DLGAP1: variants seen among roughly 807,000 people sequenced by gnomAD.
The protein encoded by DLGAP1 is DLG associated protein 1.
A neutral mutation model predicts 90.8 loss-of-function variants in DLGAP1; 11 were observed. That is an observed-to-expected ratio of 0.12 (90% CI 0.08 to 0.20). The LOEUF is 0.20. Ranked by LOEUF, DLGAP1 falls within the 10% of genes least tolerant of loss-of-function variation. The pLI is 1.00. For synonymous variants in DLGAP1, 558 were observed against 540.7 expected (o/e 1.03, Z -0.44); for missense variants, 1,050 against 1,333.8 (o/e 0.79, Z 3.31).
intron 1 of DLGAP1, among the ~76,000 whole-genome samples, chr18:4,341,161 C>T (rs543528828): frequency 6.6e-6 from 1 of 151,782 alleles, no homozygotes; most frequent in East Asian, 1.9e-4. Context: ...GCTATTTTAT[C>T]TATCTGCTTT....
intron 7 of DLGAP1, among the ~76,000 whole-genome samples, chr18:3,661,482 G>C (rs1307853804): frequency 6.6e-6 from 1 of 152,126 alleles, no homozygotes; most frequent in African/African-American, 2.4e-5. Flanking sequence ...GTCCTGAGAC[G>C]GTCCTGATGG....
intron 2 of DLGAP1, among the ~76,000 whole-genome samples, chr18:4,088,601 A>C (rs532286554): frequency 1.3e-5 from 2 of 152,022 alleles, no homozygotes; most frequent in Admixed American, 6.6e-5. Context: ...CTTACCTTTC[A>C]TTTGTTTGAA....
At chr18:3,900,016 C>A (rs1347575262) in intron 3 of DLGAP1, among the ~76,000 whole-genome samples, 1 of 152,066 alleles carries the variant, frequency 6.6e-6, no homozygotes. Flanking sequence ...CAAAAACAAA[C>A]AAACAAAAAA....
At chr18:3,969,059 G>A (rs930443421) in intron 3 of DLGAP1, among the ~76,000 whole-genome samples, 3 of 152,098 alleles carry the variant, frequency 2.0e-5, no homozygotes, top group Middle Eastern at 3.4e-3. Flanking sequence ...GACATAGGAT[G>A]TATATTCTGA....
intron 4 of DLGAP1, among the ~76,000 whole-genome samples, chr18:3,846,341 A>C (rs1343992921): frequency 6.6e-6 from 1 of 152,208 alleles, no homozygotes; most frequent in Non-Finnish European, 1.5e-5. Context: ...ATAAAAGCAC[A>C]GGTGCATTTA....
chr18:4,152,219 T>G (rs1307593211), intron 1 of DLGAP1, among the ~76,000 whole-genome samples: 1 of 152,226 alleles, frequency 6.6e-6, no homozygotes, highest in African/African-American at 2.4e-5. Context: ...CAATGTATTC[T>G]TTTGGATCTA....
At chr18:4,036,585 C>T (rs2074892689) in intron 2 of DLGAP1, among the ~76,000 whole-genome samples, 1 of 152,166 alleles carries the variant, frequency 6.6e-6, no homozygotes, top group East Asian at 1.9e-4. Context: ...TGATTACTTG[C>T]ATCACTGAAC....
At chr18:3,865,462 T>C (rs1369248124) in intron 4 of DLGAP1, among the ~76,000 whole-genome samples, 1 of 152,240 alleles carries the variant, frequency 6.6e-6, no homozygotes, top group African/African-American at 2.4e-5. Flanking sequence ...CAACCTCATA[T>C]ATTACTTGTT....
chr18:3,873,406 T>C (rs1329066402), intron 4 of DLGAP1, among the ~76,000 whole-genome samples: 1 of 152,158 alleles, frequency 6.6e-6, no homozygotes, highest in Non-Finnish European at 1.5e-5. Context: ...TGCTGGATTA[T>C]TAGGGCAATT....
At chr18:4,264,763 G>A (rs1478283413) in intron 1 of DLGAP1, 2 of 152,204 alleles carry the variant, frequency 1.3e-5, no homozygotes, top group Admixed American at 6.5e-5. Flanking sequence ...TGGAAACCGA[G>A]GTTTTTAATG....
At chr18:4,071,013 G>A (rs2075439276) in intron 2 of DLGAP1, among the ~76,000 whole-genome samples, 1 of 152,034 alleles carries the variant, frequency 6.6e-6, no homozygotes, top group South Asian at 2.1e-4. Flanking sequence ...CTTCTTTGGA[G>A]CCCCTAGTAA....
intron 7 of DLGAP1, among the ~76,000 whole-genome samples, chr18:3,638,511 A>C (rs1662370651): frequency 6.6e-6 from 1 of 152,152 alleles, no homozygotes; most frequent in Non-Finnish European, 1.5e-5. Flanking sequence ...TCAGCCTCCC[A>C]AACTGTTGGG....
At chr18:3,766,706 T>G (rs1319899874) in intron 5 of DLGAP1, among the ~76,000 whole-genome samples, 1 of 152,000 alleles carries the variant, frequency 6.6e-6, no homozygotes, top group Non-Finnish European at 1.5e-5. Flanking sequence ...AATTAAACAA[T>G]GCAAAGCTTA....
chr18:4,089,378 C>A (rs1477291653), intron 2 of DLGAP1, among the ~76,000 whole-genome samples: 1 of 151,922 alleles, frequency 6.6e-6, no homozygotes, highest in Non-Finnish European at 1.5e-5. Flanking sequence ...CCATACTGCC[C>A]AAAGTAATTT....
chr18:3,598,918 G>A (rs1301639357), intron 7 of DLGAP1, among the ~76,000 whole-genome samples: 2 of 151,850 alleles, frequency 1.3e-5, no homozygotes, highest in Non-Finnish European at 2.9e-5. Flanking sequence ...GACTACAGGC[G>A]GGCGCCACCA....
intron 5 of DLGAP1, among the ~76,000 whole-genome samples, chr18:3,809,273 C>T (rs8087359): frequency 0.66 from 99,702 of 151,992 alleles, 32,848 homozygotes; most frequent in Middle Eastern, 0.73. Context: ...GTGCCATCCA[C>T]GCTAAGAGAC....
chr18:4,003,744 G>A (rs1366623683), intron 3 of DLGAP1, among the ~76,000 whole-genome samples: 1 of 152,096 alleles, frequency 6.6e-6, no homozygotes, highest in African/African-American at 2.4e-5. Context: ...AGTGGATGCT[G>A]GAAATGACCA....
intron 1 of DLGAP1, among the ~76,000 whole-genome samples, chr18:4,290,741 A>G (rs919677824): frequency 6.6e-6 from 1 of 152,196 alleles, no homozygotes; most frequent in Non-Finnish European, 1.5e-5. Flanking sequence ...AGTTTAAAGT[A>G]TTTTGATTTA....
At position 3,635,292 on chromosome 18, in the gene DLGAP1, G is replaced by A. The variant is rs1452265561; in HGVS notation, c.1592-53044C>T. On this transcript the variant is annotated intron_variant, in intron 7 of 12. Coordinates refer to ENST00000315677, the MANE Select transcript of DLGAP1 (RefSeq NM_004746.4). ...ACTACAGGCGCCCGCCACCACGCCC[G>A]GCTGATTTTTTTGTATTGTATTTTT... is the stretch of plus-strand genomic sequence containing the variant. Among the ~76,000 whole-genome samples, 7 of 152,078 alleles carry A rather than the reference G, an allele frequency of 4.6e-5. No individual in the cohort carries two copies. In the East Asian group the frequency reaches 7.7e-4, roughly 17 times the overall value.
Sources: allele counts gnomAD v4.1 joint callset (sites outside exome capture counted in the v4.1 genomes callset), GRCh38; gene constraint gnomAD v4.1.1; transcripts MANE v1.5; gene names NCBI Gene and HGNC (gene_info 2026-07-23, HGNC 2026-07-21).